DST: variants seen among roughly 807,000 people sequenced by gnomAD.
The protein encoded by DST is dystonin.
DST carries 253 observed loss-of-function variants against 875.2 expected under a neutral mutation model. That is an observed-to-expected ratio of 0.29 (90% confidence interval 0.26 to 0.32). DST has a LOEUF of 0.32. Ranked by LOEUF, DST falls within the 10% of genes least tolerant of loss-of-function variation. The pLI is 1.00. For missense variants in DST, 8,287 were observed against 9,111.6 expected, an observed-to-expected ratio of 0.91 and a Z score of 3.68; for synonymous variants, 3,124 against 3,197.1, an observed-to-expected ratio of 0.98 and a Z score of 0.77.
At chr6:56,867,089 C>T (rs1774502476) in intron 3 of DST, among the ~76,000 whole-genome samples, 1 of 152,216 alleles carries the variant, frequency 6.6e-6, no homozygotes, top group South Asian at 2.1e-4. Context: ...GGATTGCTCT[C>T]AGCAAGCTAA....
chr6:56,760,116 G>GA (rs1293620189), intron 4 of DST, among the ~76,000 whole-genome samples: 1 of 152,010 alleles, frequency 6.6e-6, no homozygotes, highest in Admixed American at 6.6e-5. Context: ...AAATTTAAAA[G>GA]AAAATTGCAC....
intron 60 of DST, among the ~76,000 whole-genome samples, chr6:56,553,868 G>A (rs1221838749): frequency 6.6e-6 from 1 of 152,026 alleles, no homozygotes; most frequent in Non-Finnish European, 1.5e-5. Context: ...ATCAAGAAAA[G>A]ATGCAGGATA....
In DST at chr6:56,809,821, C is replaced by G. The variant is rs556547945; in HGVS notation, c.625+41576G>C. ...CACAAGGGTATAACTTTTAAATAAA[C>G]TTCTTTCTGCTTCATTTTCCCCTAA... On this transcript the variant is annotated intron_variant, in intron 4 of 103. Transcript: ENST00000680361. Among the ~76,000 whole-genome samples the G allele has an allele frequency of 3.4e-3, 516 of 152,264 alleles. 1 individual carries two copies. Among genetic ancestry groups the G allele is most frequent in the Non-Finnish European group, 4.8e-3 (325 of 67,992 alleles).
chr6:56,578,184 A>G (rs1331658320), intron 50 of DST, among the ~76,000 whole-genome samples: 1 of 151,898 alleles, frequency 6.6e-6, no homozygotes, highest in Admixed American at 6.6e-5. Context: ...TAGCCTGGAC[A>G]ATACAGTGAG....
At chr6:56,946,502 T>C (rs1240205887) in intron 2 of DST, among the ~76,000 whole-genome samples, 2 of 152,086 alleles carry the variant, frequency 1.3e-5, no homozygotes, top group African/African-American at 4.8e-5. Flanking sequence ...ATGATGTTTA[T>C]AGGTAAGGGA....
Position 56,804,484 on chromosome 6 carries a change from G to A in DST, c.625+46913C>T, listed in dbSNP as rs181506714. Among the ~76,000 whole-genome samples the A allele has an allele frequency of 1.3e-4, 20 of 152,188 alleles. No individual in the cohort carries two copies. The East Asian group carries it at 3.3e-3, about 25-fold the overall frequency. ...AATAACAAGAAATATTATATTGCTTGCTCCAAAGAAATCTTAATATATCTT... is the reference window on the plus strand; with the variant it reads ...AATAACAAGAAATATTATATTGCTTACTCCAAAGAAATCTTAATATATCTT... On this transcript the variant is annotated intron_variant, in intron 4 of 103. Coordinates refer to ENST00000680361, the MANE Select transcript of DST (RefSeq NM_001374736.1).
At chr6:56,733,867 G>A (rs1297297031) in intron 5 of DST, among the ~76,000 whole-genome samples, 2 of 151,770 alleles carry the variant, frequency 1.3e-5, no homozygotes, top group African/African-American at 4.8e-5. Context: ...TCACAACAAG[G>A]GTGAAAAAAA....
intron 49 of DST, among the ~76,000 whole-genome samples, chr6:56,583,673 T>C (rs1384553697): frequency 1.3e-5 from 2 of 152,232 alleles, no homozygotes; most frequent in East Asian, 1.9e-4. Context: ...TCCTTGCCCA[T>C]GCCTATGTCC....
intron 3 of DST, among the ~76,000 whole-genome samples, chr6:56,860,303 G>T (rs909449478): frequency 2.0e-5 from 3 of 152,172 alleles, no homozygotes; most frequent in Admixed American, 6.5e-5. Flanking sequence ...GAGAGGTAGG[G>T]ATCGTGGTAA....
At chr6:56,562,294 T>C in intron 55 of DST, 94 bp from the exon 56 acceptor site, 1 of 519,594 alleles carries the variant, frequency 1.9e-6, no homozygotes, top group Non-Finnish European at 3.0e-6. Flanking sequence ...TCAACAGTAA[T>C]CACACATAAA....
At chr6:56,580,834 G>A (rs1455128281) in intron 49 of DST, among the ~76,000 whole-genome samples, 1 of 149,500 alleles carries the variant, frequency 6.7e-6, no homozygotes, top group African/African-American at 2.5e-5. Context: ...ACAAGCTCAG[G>A]TGATCCTCCC....
chr6:56,712,826 A>G (rs1282693761), intron 5 of DST, among the ~76,000 whole-genome samples: 1 of 152,222 alleles, frequency 6.6e-6, no homozygotes, highest in African/African-American at 2.4e-5. Flanking sequence ...TATCATGATC[A>G]AAATTCACAC....
At chr6:56,887,379 G>A (rs1336762258) in intron 3 of DST, among the ~76,000 whole-genome samples, 1 of 152,198 alleles carries the variant, frequency 6.6e-6, no homozygotes, top group East Asian at 1.9e-4. Flanking sequence ...AGTTGTTTCA[G>A]GCAGAGATGG....
rs572003541 is a variant in DST at position 56,882,883 on chromosome 6, C to A, written c.417+17538G>T. ...GCATGTTGCTTTTTTCTTTTCCCCCCCAAGACAGAGTCTCGCTCTGTCACC... is the reference window on the plus strand; with the variant it reads ...GCATGTTGCTTTTTTCTTTTCCCCCACAAGACAGAGTCTCGCTCTGTCACC... On this transcript the variant is annotated intron_variant, in intron 3 of 103. Coordinates refer to ENST00000680361, the MANE Select transcript of DST (RefSeq NM_001374736.1). Among the ~76,000 whole-genome samples, 528 of 152,206 alleles carry A rather than the reference C, an allele frequency of 3.5e-3. 2 individuals are homozygous for A. Among genetic ancestry groups the A allele is most frequent in the Non-Finnish European group, 6.4e-3 (433 of 67,980 alleles).
intron 3 of DST, among the ~76,000 whole-genome samples, chr6:56,881,070 C>A (rs543448379): frequency 6.6e-6 from 1 of 151,668 alleles, no homozygotes; most frequent in Non-Finnish European, 1.5e-5. Context: ...AGGATGGTCT[C>A]GATCTCCTGA....
In DST at chr6:56,609,020, T is replaced by C. The variant is rs770225866; in HGVS notation, c.5608A>G (p.Ile1870Val). 1.2e-6 allele frequency: 2 copies of C among 1,613,900 alleles called. No homozygotes were observed. Among genetic ancestry groups the C allele is most frequent in the South Asian group, 1.1e-5 (1 of 91,084 alleles). The change falls in exon 40 of 104, where the codon ATC (isoleucine) becomes GTC (valine). Residue 1870 changes from isoleucine (I) to valine (V), a missense_variant. By Grantham distance (29) the Ile-to-Val change is conservative. Around this residue, in one of 10 missense-constraint regions of DST, gnomAD observed 3,138 missense variants for 3,116.6 expected, o/e 1.01. Coordinates refer to ENST00000680361, the MANE Select transcript of DST (RefSeq NM_001374736.1). ...AQSMITESMA[I>V]KVLEILLSTG... Reference sequence around the variant, plus strand: ...GAAAGCAGTATCTCAAGAACTTTGATGGCCATGGATTCTGTTATCATGCTT... The same window carrying C: ...GAAAGCAGTATCTCAAGAACTTTGACGGCCATGGATTCTGTTATCATGCTT...
rs192433836 is a variant in DST at position 56,907,448 on chromosome 6, G to A, written c.217-6827C>T. 7.3e-3 allele frequency among the ~76,000 whole-genome samples: 1,108 copies of A among 152,260 alleles called. 7 individuals carry two copies. Among genetic ancestry groups the A allele is most frequent in the Middle Eastern group, 0.02 (6 of 294 alleles). On this transcript the variant is annotated intron_variant, in intron 2 of 103. Coordinates refer to ENST00000680361, the MANE Select transcript of DST (RefSeq NM_001374736.1). ...TATTAATAGCAATAATTTACTTAGC[G>A]CCATTTAGGCACTTAGCCTATATAC...
intron 36 of DST, chr6:56,620,222 T>A: frequency 6.2e-7 from 1 of 1,613,790 alleles, no homozygotes; most frequent in Non-Finnish European, 8.5e-7. Flanking sequence ...CATTAATTTA[T>A]TTTTTTGTTG....
At chr6:56,717,073 C>G (rs2099397598) in intron 5 of DST, among the ~76,000 whole-genome samples, 2 of 152,128 alleles carry the variant, frequency 1.3e-5, no homozygotes, top group African/African-American at 4.8e-5. Context: ...GTCCCAGCTA[C>G]TCAGGAGGCT....
Sources: gnomAD v4.1 joint callset for allele counts (sites outside exome capture counted in the v4.1 genomes callset) on GRCh38, gnomAD v4.1.1 for gene constraint, gnomAD v4.1.1 regional missense constraint, MANE v1.5 for transcripts, NCBI Gene and HGNC (gene_info 2026-07-23, HGNC 2026-07-21) for gene names.